The following SRGAP3 variants were observed in gnomAD, a reference collection of about 807,000 sequenced individuals.
SRGAP3 encodes the protein SLIT-ROBO Rho GTPase activating protein 3, also known as SLIT-ROBO Rho GTPase-activating protein 3.
A neutral mutation model predicts 121.1 loss-of-function variants in SRGAP3; 39 were observed. That is an observed-to-expected ratio of 0.32 (90% CI 0.25 to 0.42). SRGAP3 has a LOEUF of 0.42. Among genes scored for constraint, SRGAP3 ranks in the 10% least tolerant of loss-of-function variants. The pLI, the probability that SRGAP3 is intolerant of heterozygous loss-of-function variation, is 1.00. For synonymous variants in SRGAP3, 601 were observed against 570.0 expected (o/e 1.05, Z -0.77); for missense variants, 1,213 against 1,470.6 (o/e 0.82, Z 2.86).
intron 1 of SRGAP3, among the ~76,000 whole-genome samples, chr3:9,142,913 C>G (rs994243271): frequency 1.4e-5 from 2 of 144,066 alleles, no homozygotes; most frequent in African/African-American, 5.2e-5. Context: ...TCTCGGCTCA[C>G]TGCAGCCTTG....
At chr3:9,317,635 T>A (rs1032614238) in intron 3 of SRGAP3, among the ~76,000 whole-genome samples, 1 of 151,960 alleles carries the variant, frequency 6.6e-6, no homozygotes, top group African/African-American at 2.4e-5. Context: ...AAACTGAGAG[T>A]GTAAGAAGAG....
intron 1 of SRGAP3, among the ~76,000 whole-genome samples, chr3:9,196,486 T>C (rs1460300208): frequency 6.6e-6 from 1 of 152,260 alleles, no homozygotes; most frequent in Non-Finnish European, 1.5e-5. Flanking sequence ...AATAGTTGTG[T>C]TTTATGTTTT....
chr3:9,335,609 A>T (rs1955677400), intron 1 of SRGAP3, among the ~76,000 whole-genome samples: 1 of 152,180 alleles, frequency 6.6e-6, no homozygotes, highest in Admixed American at 6.5e-5. Context: ...GGTTCCCCAC[A>T]CCAGTAGCAT....
chr3:9,276,586 T>C (rs1226860706), intron 3 of SRGAP3, among the ~76,000 whole-genome samples: 1 of 152,104 alleles, frequency 6.6e-6, no homozygotes, highest in Non-Finnish European at 1.5e-5. Context: ...CCACCACACC[T>C]GGCTAATTTT....
intron 3 of SRGAP3, among the ~76,000 whole-genome samples, chr3:9,099,750 G>C (rs768700684): frequency 2.0e-5 from 3 of 152,224 alleles, no homozygotes; most frequent in Non-Finnish European, 2.9e-5. Flanking sequence ...TAAACCTACT[G>C]AATCGGAAAC....
intron 3 of SRGAP3, among the ~76,000 whole-genome samples, chr3:9,262,424 A>G (rs1421359409): frequency 2.0e-5 from 3 of 151,804 alleles, no homozygotes; most frequent in Non-Finnish European, 2.9e-5. Context: ...CAAATTGAAT[A>G]AAGTCAAGAC....
rs148433734 is a variant in SRGAP3, at chr3:9,138,187, T to C, written c.68-13270A>G. ...ACAGCCATCTTTACAATGTGCCCCTTCTAAAAACTACCTGCTGTATATTTG... is the reference window on the plus strand; with the variant it reads ...ACAGCCATCTTTACAATGTGCCCCTCCTAAAAACTACCTGCTGTATATTTG... On this transcript the variant is annotated intron_variant, in intron 1 of 21. Transcript: ENST00000383836. Among the ~76,000 whole-genome samples the C allele has an allele frequency of 6.7e-3, 1,018 of 152,318 alleles. 14 individuals carry two copies. The highest frequency in any genetic ancestry group is 0.022 in the African/African-American group (916 of 41,570).
At chr3:9,025,963 A>G (rs558410097) in intron 13 of SRGAP3, among the ~76,000 whole-genome samples, 162 of 152,328 alleles carry the variant, frequency 1.1e-3, no homozygotes, top group Non-Finnish European at 2.0e-3. Flanking sequence ...TGGTTTGTAT[A>G]TAGTATATCC....
chr3:9,016,071 A>C, intron 14 of SRGAP3: 1 of 345,044 alleles, frequency 2.9e-6, no homozygotes, highest in Non-Finnish European at 5.5e-6. Context: ...ATCAAAACAC[A>C]CCACCGCTAA....
intron 1 of SRGAP3, among the ~76,000 whole-genome samples, chr3:9,203,137 C>A (rs371252185): frequency 3.9e-5 from 6 of 152,168 alleles, no homozygotes. Context: ...TCTCGGGAAT[C>A]GGGTCTCATA....
chr3:9,313,604 G>C (rs1286403931), intron 3 of SRGAP3, among the ~76,000 whole-genome samples: 1 of 152,016 alleles, frequency 6.6e-6, no homozygotes, highest in Non-Finnish European at 1.5e-5. Flanking sequence ...TTGAACCTGG[G>C]AGGCAGAGGT....
rs142014622 is a variant in SRGAP3, at chr3:9,162,307, A to G, written c.68-37390T>C. 2.6e-5 allele frequency among the ~76,000 whole-genome samples: 4 copies of G among 152,272 alleles called. No homozygotes were observed. In the East Asian group the frequency reaches 7.7e-4, roughly 29 times the overall value. On this transcript the variant is annotated intron_variant, in intron 1 of 21. Coordinates refer to ENST00000383836, the MANE Select transcript of SRGAP3 (RefSeq NM_014850.4). ...AAATGCCAAATTTTATGTTATGTCT[A>G]TTTTGCCACAATTCAGCAAATAAAA...
At chr3:9,047,344 A>C in intron 10 of SRGAP3, 47 bp downstream of exon 10, 2 of 1,582,158 alleles carry the variant, frequency 1.3e-6, no homozygotes. Context: ...AGTGAGAGCC[A>C]GTGGGGAACG....
intron 3 of SRGAP3, among the ~76,000 whole-genome samples, chr3:9,270,347 T>C (rs376631684): frequency 1.2e-4 from 18 of 152,294 alleles, no homozygotes; most frequent in African/African-American, 4.1e-4. Flanking sequence ...CTTCCTTTAA[T>C]GTAAAATTCA....
intron 3 of SRGAP3, among the ~76,000 whole-genome samples, chr3:9,261,372 C>T (rs1345060096): frequency 6.6e-6 from 1 of 152,020 alleles, no homozygotes; most frequent in East Asian, 1.9e-4. Context: ...CAGAAGTAGG[C>T]TTCAGAAGGT....
intron 2 of SRGAP3, among the ~76,000 whole-genome samples, chr3:9,123,386 T>C (rs78402548): frequency 6.2e-5 from 1 of 16,142 alleles, no homozygotes; most frequent in Non-Finnish European, 1.3e-4. Context: ...TATATATATA[T>C]ATACATACAC....
chr3:9,180,919 A>G (rs997577479), intron 1 of SRGAP3, among the ~76,000 whole-genome samples: 4 of 152,202 alleles, frequency 2.6e-5, no homozygotes, highest in African/African-American at 4.8e-5. Flanking sequence ...GGAAGCTCAC[A>G]GTCTCACCAG....
intron 3 of SRGAP3, among the ~76,000 whole-genome samples, chr3:9,280,850 T>C (rs1954662390): frequency 6.6e-6 from 1 of 152,170 alleles, no homozygotes; most frequent in Non-Finnish European, 1.5e-5. Flanking sequence ...AGAACCCAAA[T>C]AGTAACTATG....
intron 21 of SRGAP3, among the ~76,000 whole-genome samples, chr3:8,987,175 G>T (rs1048574898): frequency 1.6e-4 from 25 of 152,226 alleles, no homozygotes; most frequent in African/African-American, 5.8e-4. Context: ...TAAACTGCCA[G>T]GTGGTGGTTT....
Sources: gnomAD v4.1 joint callset for allele counts (sites outside exome capture counted in the v4.1 genomes callset) on GRCh38, gnomAD v4.1.1 for gene constraint, MANE v1.5 for transcripts, NCBI Gene and HGNC (gene_info 2026-07-23, HGNC 2026-07-21) for gene names.